KRABD3: variants seen among roughly 807,000 people sequenced by gnomAD.
The protein encoded by KRABD3 is KRAB domain containing 3, also known as KRAB domain-containing protein 3.
the KRABD3 span, chr7:149,721,357 T>A: frequency 1.3e-6 from 2 of 1,565,344 alleles, no homozygotes; most frequent in Non-Finnish European, 1.7e-6. Flanking sequence ...TACCAGTTGT[T>A]GATTCTCCCT....
the KRABD3 span, chr7:149,730,199 G>A: frequency 1.9e-6 from 3 of 1,575,330 alleles, no homozygotes; most frequent in African/African-American, 1.3e-5. Flanking sequence ...CCCTGAGGGG[G>A]ATCTTGCCTG....
At chr7:149,733,838 C>A in the KRABD3 span, 1 of 1,602,748 alleles carries the variant, frequency 6.2e-7, no homozygotes, top group East Asian at 2.3e-5. Flanking sequence ...GAGCCCCCTT[C>A]CCCCTTTAGT....
chr7:149,725,572 T>C, the KRABD3 span: 1 of 1,352,918 alleles, frequency 7.4e-7, no homozygotes, highest in Non-Finnish European at 9.9e-7. Flanking sequence ...GGTCATTGTG[T>C]TCCCCGGCCT....
At chr7:149,718,853 C>T in the KRABD3 span, among the ~76,000 whole-genome samples, 1 of 152,118 alleles carries the variant, frequency 6.6e-6, no homozygotes, top group Non-Finnish European at 1.5e-5. Context: ...CAAAAATGCT[C>T]GTGTTATTTT....
chr7:149,731,756 A>G, the KRABD3 span: 1 of 1,611,462 alleles, frequency 6.2e-7, no homozygotes, highest in Non-Finnish European at 8.5e-7. Flanking sequence ...GAGCTTGGAC[A>G]TGGAAGACCC....
the KRABD3 span, chr7:149,715,442 C>G: frequency 4.8e-6 from 4 of 837,662 alleles, no homozygotes; most frequent in Non-Finnish European, 4.4e-6. Flanking sequence ...AGAACAAACC[C>G]CAAGTTTTGT....
chr7:149,716,109 G>GTGA, the KRABD3 span, among the ~76,000 whole-genome samples: 1 of 152,214 alleles, frequency 6.6e-6, no homozygotes, highest in African/African-American at 2.4e-5. Context: ...CCAGGGCAAT[G>GTGA]TGAGCACAGC....
chr7:149,723,971 C>A, the KRABD3 span: 1 of 1,284,394 alleles, frequency 7.8e-7, no homozygotes, highest in Non-Finnish European at 1.1e-6. Flanking sequence ...GTGGCCCCCA[C>A]CACAAACACT....
the KRABD3 span, chr7:149,725,887 A>G: frequency 6.3e-7 from 1 of 1,577,074 alleles, no homozygotes; most frequent in Non-Finnish European, 8.6e-7. Context: ...TTCCCTACAG[A>G]AGCGACCAGA....
chr7:149,730,166 C>T, the KRABD3 span: 2 of 1,544,210 alleles, frequency 1.3e-6, no homozygotes, highest in Admixed American at 2.0e-5. Flanking sequence ...CCAAGCCCTC[C>T]CCGCTGCACT....
the KRABD3 span, chr7:149,729,277 G>A: frequency 2.5e-6 from 4 of 1,605,234 alleles, no homozygotes; most frequent in Admixed American, 5.1e-5. Context: ...CAGCCCACAG[G>A]TGTTCACCTC....
chr7:149,715,011 C>T, the KRABD3 span: 12 of 1,225,594 alleles, frequency 9.8e-6, no homozygotes, highest in African/African-American at 1.4e-4. Context: ...CGCGCCAGGG[C>T]CCGCGCCGGA....
chr7:149,725,610 C>T, the KRABD3 span: 1 of 1,116,238 alleles, frequency 9.0e-7, no homozygotes, highest in Non-Finnish European at 1.2e-6. Flanking sequence ...TTCCCCCAGG[C>T]TGCCTTTCAT....
At chr7:149,725,929 G>C in the KRABD3 span, 1 of 1,599,672 alleles carries the variant, frequency 6.3e-7, no homozygotes, top group African/African-American at 1.3e-5. Context: ...CTGCAGAGCT[G>C]TGTGAGAGAT....
chr7:149,733,640 A>T, the KRABD3 span: 1 of 1,589,970 alleles, frequency 6.3e-7, no homozygotes, highest in Non-Finnish European at 8.6e-7. Context: ...AGAGAGCTGC[A>T]GGGCTGGTGA....
the KRABD3 span, among the ~76,000 whole-genome samples, chr7:149,732,976 A>G: frequency 6.6e-6 from 1 of 152,108 alleles, no homozygotes; most frequent in Admixed American, 6.5e-5. The surrounding 1 kb of genome is among the most constrained non-coding windows in gnomAD (Gnocchi z 4.0). Flanking sequence ...CGGAAACCCA[A>G]CCTGTGGTTG....
chr7:149,729,567 G>A, the KRABD3 span: 17 of 985,440 alleles, frequency 1.7e-5, no homozygotes, highest in East Asian at 4.5e-4. Flanking sequence ...GACAAGGAGC[G>A]GGGTCGGGAA....
the KRABD3 span, chr7:149,719,331 T>C: frequency 2.2e-6 from 1 of 460,140 alleles, no homozygotes; most frequent in Non-Finnish European, 3.8e-6. The surrounding 1 kb of genome is among the most constrained non-coding windows in gnomAD (Gnocchi z 5.6). Flanking sequence ...AATAAGGTCC[T>C]ACTTACAGGC....
chr7:149,717,034 G>GGCCCCAGTCACCGTGCTCT, the KRABD3 span, among the ~76,000 whole-genome samples: 1 of 151,920 alleles, frequency 6.6e-6, no homozygotes, highest in Non-Finnish European at 1.5e-5. Flanking sequence ...CCTGAGGCTA[G>GGCCCCAGTCACCGTGCTCT]GCCCCAGTCA....
Sources: gnomAD v4.1 joint callset for allele counts (sites outside exome capture counted in the v4.1 genomes callset) on GRCh38, gnomAD v4.1.1 for gene constraint, Gnocchi (gnomAD v3.1) non-coding constraint, MANE v1.5 for transcripts, NCBI Gene and HGNC (gene_info 2026-07-23, HGNC 2026-07-21) for gene names.